Variants in MEF2A observed in about 807,000 individuals in gnomAD.
MEF2A encodes myocyte-specific enhancer factor 2A.
A neutral mutation model predicts 55.8 loss-of-function variants in MEF2A; 28 were observed. The observed-to-expected ratio is 0.50, with a 90% CI of 0.37 to 0.69. The LOEUF (loss-of-function observed/expected upper bound fraction) is 0.69, where lower values mean the gene tolerates loss of function less well. MEF2A is among the 30% of genes least tolerant of loss of function. The pLI is 0.00. For synonymous variants in MEF2A, 239 were observed against 227.1 expected (o/e 1.05, Z -0.47); for missense variants, 528 against 626.2 (o/e 0.84, Z 1.67).
intron 2 of MEF2A, among the ~76,000 whole-genome samples, chr15:99,632,051 A>G (rs183631853): frequency 6.6e-6 from 1 of 152,332 alleles, no homozygotes; most frequent in East Asian, 1.9e-4. Context: ...TGAAAGCACT[A>G]GGTTTTTAAA....
intron 7 of MEF2A, among the ~76,000 whole-genome samples, chr15:99,685,795 GT>G (rs915643711): frequency 6.6e-6 from 1 of 152,044 alleles, no homozygotes; most frequent in African/African-American, 2.4e-5. Flanking sequence ...TCCTTTCCTG[GT>G]TTTGGTATTA....
intron 4 of MEF2A, among the ~76,000 whole-genome samples, chr15:99,666,496 A>T (rs1438335937): frequency 6.6e-6 from 1 of 151,804 alleles, no homozygotes; most frequent in East Asian, 1.9e-4. Context: ...TGATGGGTTG[A>T]TAGGTGCAGC....
At chr15:99,697,594 AATAG>A (rs912085161) in intron 8 of MEF2A, among the ~76,000 whole-genome samples, 13 of 152,326 alleles carry the variant, frequency 8.5e-5, no homozygotes, top group South Asian at 4.1e-4. Context: ...GACCTAGATG[AATAG>A]ATAGATACAT....
At chr15:99,643,786 T>C (rs2045466546) in intron 3 of MEF2A, among the ~76,000 whole-genome samples, 1 of 151,710 alleles carries the variant, frequency 6.6e-6, no homozygotes, top group African/African-American at 2.4e-5. Flanking sequence ...AGAGACGGGG[T>C]TTCGTAGTGT....
At chr15:99,606,533 A>G (rs1362531157) in intron 2 of MEF2A, among the ~76,000 whole-genome samples, 2 of 152,176 alleles carry the variant, frequency 1.3e-5, no homozygotes, top group Non-Finnish European at 1.5e-5. Flanking sequence ...CTACAAATCA[A>G]TGTGACAGAG....
intron 4 of MEF2A, among the ~76,000 whole-genome samples, chr15:99,655,366 T>G (rs2047534481): frequency 6.6e-6 from 1 of 152,162 alleles, no homozygotes; most frequent in South Asian, 2.1e-4. Context: ...ACAAAATGTT[T>G]ATGGAATAGC....
rs914634118 is a variant in MEF2A at position 99,674,740 on chromosome 15, T to C, written c.610+128T>C. On this transcript the variant is annotated intron_variant, in intron 6 of 11. Coordinates refer to ENST00000557942, the MANE Select transcript of MEF2A (RefSeq NM_001319206.4). ...ATGAGCAAGAATCACTGATACATAA[T>C]TGGCCTCATTTTAAAGTATTTTTTT... 48 of 774,758 alleles carry C rather than the reference T, an allele frequency of 6.2e-5. 1 individual carries two copies. Among genetic ancestry groups the C allele is most frequent in the Non-Finnish European group, 9.9e-5 (48 of 485,040 alleles). The allele number at this position is 774,758 out of a possible 1,614,324, so 48.0% of individuals were successfully genotyped here.
intron 3 of MEF2A, among the ~76,000 whole-genome samples, chr15:99,639,579 C>G (rs2044518809): frequency 6.6e-6 from 1 of 152,132 alleles, no homozygotes; most frequent in Non-Finnish European, 1.5e-5. Flanking sequence ...AAAAGTTGCT[C>G]TGTGATAGTT....
chr15:99,621,181 C>G (rs547697587), intron 2 of MEF2A: 2 of 152,288 alleles, frequency 1.3e-5, no homozygotes, highest in East Asian at 3.9e-4. Flanking sequence ...TATTTAATAA[C>G]AAAACTAGAA....
chr15:99,622,821 G>C (rs1337460115), intron 2 of MEF2A, among the ~76,000 whole-genome samples: 2 of 151,244 alleles, frequency 1.3e-5, no homozygotes, highest in African/African-American at 2.4e-5. Context: ...TCCTGCCTCA[G>C]CCTCCCTAGT....
intron 1 of MEF2A, among the ~76,000 whole-genome samples, chr15:99,586,408 A>C (rs1000331291): frequency 6.6e-6 from 1 of 152,046 alleles, no homozygotes; most frequent in African/African-American, 2.4e-5. Flanking sequence ...TATCGTTTTA[A>C]TCTCCACTTC....
At chr15:99,644,938 T>C (rs2045695210) in intron 3 of MEF2A, among the ~76,000 whole-genome samples, 1 of 152,124 alleles carries the variant, frequency 6.6e-6, no homozygotes, top group Non-Finnish European at 1.5e-5. Context: ...ATACAGAGCA[T>C]AAAAAGACAT....
chr15:99,565,941 G>A (rs965437347), upstream of MEF2A: 1 of 152,310 alleles, frequency 6.6e-6, no homozygotes, highest in Non-Finnish European at 1.5e-5. Flanking sequence ...ACGAGTTCCG[G>A]TCTGGCCGAG....
intron 4 of MEF2A, among the ~76,000 whole-genome samples, chr15:99,661,679 G>A (rs1287365603): frequency 6.6e-6 from 1 of 151,804 alleles, no homozygotes; most frequent in Non-Finnish European, 1.5e-5. Flanking sequence ...AAATCCCACA[G>A]GTAGGAATGC....
chr15:99,690,062 A>G (rs1200130651), intron 7 of MEF2A, among the ~76,000 whole-genome samples, 179 bp from the exon 8 acceptor site: 1 of 152,220 alleles, frequency 6.6e-6, no homozygotes, highest in Admixed American at 6.5e-5. Context: ...TAAGTATACA[A>G]GTATTCCAAA....
chr15:99,672,749 G>A (rs1359499028), intron 5 of MEF2A, among the ~76,000 whole-genome samples: 1 of 152,098 alleles, frequency 6.6e-6, no homozygotes, highest in East Asian at 1.9e-4. Context: ...TGGGACCCAA[G>A]TCTAAACATT....
rs769897598 is a variant in MEF2A, at chr15:99,710,698, G to T, written c.1074G>T (p.Ser358=). The T allele has an allele frequency of 1.9e-6, 3 of 1,613,480 alleles. No individual in the cohort carries two copies. Among genetic ancestry groups the T allele is most frequent in the Non-Finnish European group, 2.5e-6 (3 of 1,179,430 alleles). Residue 358 remains serine, a synonymous_variant, in exon 11 of 12, where the codon TCG becomes TCT. Coordinates refer to ENST00000557942, the MANE Select transcript of MEF2A (RefSeq NM_001319206.4). ...GCTTCAACTCGCCAGGAATGCTGTC[G>T]CTGGGACAGGTGTCGGCCTGGCAGC... ...LQGFNSPGML[S]LGQVSAWQQH...
At chr15:99,640,205 C>T (rs548208893) in intron 3 of MEF2A, among the ~76,000 whole-genome samples, 10 of 152,190 alleles carry the variant, frequency 6.6e-5, no homozygotes, top group African/African-American at 2.4e-4. Context: ...CTTCCGTATT[C>T]TTTGTGACTT....
chr15:99,588,776 T>A (rs185899491), intron 1 of MEF2A, among the ~76,000 whole-genome samples: 2,031 of 152,018 alleles, frequency 0.013, 22 homozygotes, highest in Admixed American at 0.024. Flanking sequence ...TTTTTTTTTT[T>A]AAATTTTTTC....
Sources: allele counts gnomAD v4.1 joint callset (sites outside exome capture counted in the v4.1 genomes callset), GRCh38; gene constraint gnomAD v4.1.1; transcripts MANE v1.5; gene names NCBI Gene and HGNC (gene_info 2026-07-23, HGNC 2026-07-21).